The following COL21A1 variants were observed in gnomAD, a reference collection of about 807,000 sequenced individuals.
COL21A1 encodes the protein collagen type XXI alpha 1 chain.
COL21A1 carries 149 observed loss-of-function variants against 137.9 expected under a neutral mutation model. That is an observed-to-expected ratio of 1.08 (90% CI 0.95 to 1.24). COL21A1 has a LOEUF of 1.24. Among genes scored for constraint, COL21A1 ranks in the 50% most tolerant of loss-of-function variants. The pLI, the probability that COL21A1 is intolerant of heterozygous loss-of-function variation, is 0.00. For missense variants in COL21A1, 1,167 were observed against 1,158.4 expected (o/e 1.01, Z -0.11); for synonymous variants, 456 against 391.5 (o/e 1.16, Z -1.95).
At chr6:56,286,363 A>T (rs1763913814) in intron 1 of COL21A1, among the ~76,000 whole-genome samples, 1 of 152,198 alleles carries the variant, frequency 6.6e-6, no homozygotes, top group Non-Finnish European at 1.5e-5. Context: ...ACACGCACAC[A>T]TACCAATACC....
chr6:56,078,262 C>A, intron 17 of COL21A1: 1 of 454,868 alleles, frequency 2.2e-6, no homozygotes, highest in South Asian at 1.6e-5. Flanking sequence ...TTATTGCTTG[C>A]AGAAGAGTTC....
At chr6:56,215,648 T>C (rs1375470823) in intron 1 of COL21A1, among the ~76,000 whole-genome samples, 1 of 152,096 alleles carries the variant, frequency 6.6e-6, no homozygotes, top group Non-Finnish European at 1.5e-5. Flanking sequence ...CTACCCCATC[T>C]ACCTTGAAGG....
At chr6:56,367,930 T>C (rs1323732103) in intron 1 of COL21A1, among the ~76,000 whole-genome samples, 1 of 152,172 alleles carries the variant, frequency 6.6e-6, no homozygotes, top group Non-Finnish European at 1.5e-5. Context: ...CCCAGGTTGG[T>C]CTTGAATTCC....
At chr6:56,379,533 A>G (rs1427520758) in intron 1 of COL21A1, among the ~76,000 whole-genome samples, 1 of 152,214 alleles carries the variant, frequency 6.6e-6, no homozygotes, top group Non-Finnish European at 1.5e-5. Flanking sequence ...ATAGATGAAT[A>G]TAGAGAAGTA....
At chr6:56,251,208 T>G (rs1782844820), upstream of COL21A1, among the ~76,000 whole-genome samples, 5 of 152,230 alleles carry the variant, frequency 3.3e-5, no homozygotes. Flanking sequence ...CTCAATTCCC[T>G]GCTAAGGTAA....
chr6:56,206,201 G>A (rs1291893060), intron 1 of COL21A1, among the ~76,000 whole-genome samples: 2 of 151,758 alleles, frequency 1.3e-5, no homozygotes, highest in African/African-American at 2.4e-5. Context: ...ATTGGATAAA[G>A]AGTCAAGACC....
intron 7 of COL21A1, among the ~76,000 whole-genome samples, 159 bp from the exon 8 acceptor site, chr6:56,164,981 C>T (rs1582531104): frequency 6.6e-6 from 1 of 152,220 alleles, no homozygotes; most frequent in Admixed American, 6.5e-5. Flanking sequence ...TAAAAAGTCA[C>T]CTATCTATAC....
chr6:56,099,145 A>G (rs1227696643), intron 17 of COL21A1, among the ~76,000 whole-genome samples: 3 of 151,636 alleles, frequency 2.0e-5, no homozygotes, highest in Admixed American at 6.6e-5. Flanking sequence ...TGCCCTTTCT[A>G]ACATTGTTTC....
chr6:56,268,264 A>G (rs543080650), intron 1 of COL21A1, among the ~76,000 whole-genome samples: 52 of 152,294 alleles, frequency 3.4e-4, no homozygotes, highest in South Asian at 1.5e-3. Flanking sequence ...TCGCCCTGCC[A>G]TGGCCTCTAC....
chr6:56,252,863 A>G (rs1390095124), intron 1 of COL21A1, among the ~76,000 whole-genome samples: 2 of 152,202 alleles, frequency 1.3e-5, no homozygotes, highest in Non-Finnish European at 2.9e-5. Flanking sequence ...GAGAAAAGAT[A>G]TACCATTTCC....
At chr6:56,059,415 AT>A (rs869103974) in intron 28 of COL21A1, among the ~76,000 whole-genome samples, 173 bp from the exon 29 acceptor site, 1 of 101,172 alleles carries the variant, frequency 9.9e-6, no homozygotes, top group African/African-American at 3.8e-5. Context: ...TTCTAAAATG[AT>A]CAGTGGTTTA....
intron 1 of COL21A1, among the ~76,000 whole-genome samples, chr6:56,299,415 G>A (rs902775440): frequency 5.3e-5 from 8 of 152,212 alleles, no homozygotes; most frequent in Middle Eastern, 3.4e-3. Flanking sequence ...GGACAAATTA[G>A]CTGTGGTTCT....
intron 14 of COL21A1, 57 bp downstream of exon 14, chr6:56,125,510 T>C: frequency 1.6e-6 from 2 of 1,256,318 alleles, no homozygotes; most frequent in Non-Finnish European, 2.3e-6. Flanking sequence ...TCTAGTTTTC[T>C]GTTTCCATTA....
At chr6:56,288,880 A>G (rs1763974763) in intron 1 of COL21A1, among the ~76,000 whole-genome samples, 1 of 152,226 alleles carries the variant, frequency 6.6e-6, no homozygotes, top group Non-Finnish European at 1.5e-5. Flanking sequence ...TGACCTGTAT[A>G]TCACAGTGTC....
intron 1 of COL21A1, among the ~76,000 whole-genome samples, chr6:56,238,074 T>C (rs1213729299): frequency 1.3e-5 from 2 of 152,102 alleles, no homozygotes; most frequent in Non-Finnish European, 2.9e-5. Context: ...TGACCACATA[T>C]TCCAATTATT....
chr6:56,090,958 C>T (rs1367678536), intron 17 of COL21A1, among the ~76,000 whole-genome samples: 1 of 152,100 alleles, frequency 6.6e-6, no homozygotes, highest in Non-Finnish European at 1.5e-5. Context: ...GTACAAAAGA[C>T]TGAAACATCT....
At chr6:56,146,426 T>G (rs1011809509) in intron 10 of COL21A1, among the ~76,000 whole-genome samples, 2 of 152,148 alleles carry the variant, frequency 1.3e-5, no homozygotes, top group African/African-American at 4.8e-5. Context: ...TGTCATTCTA[T>G]GTATAACTAA....
At chr6:56,268,486 G>A (rs1354993101) in intron 1 of COL21A1, among the ~76,000 whole-genome samples, 1 of 152,076 alleles carries the variant, frequency 6.6e-6, no homozygotes, top group African/African-American at 2.4e-5. Context: ...TACTCTCAAT[G>A]ACCACCTAAT....
intron 23 of COL21A1, among the ~76,000 whole-genome samples, chr6:56,066,662 T>A (rs2114067954): frequency 6.6e-6 from 1 of 151,928 alleles, no homozygotes; most frequent in Non-Finnish European, 1.5e-5. Flanking sequence ...TGGCATCTTA[T>A]TCAAAAGTCA....
Sources: allele counts gnomAD v4.1 joint callset (sites outside exome capture counted in the v4.1 genomes callset), GRCh38; gene constraint gnomAD v4.1.1; transcripts MANE v1.5; gene names NCBI Gene and HGNC (gene_info 2026-07-23, HGNC 2026-07-21).